CSMD1: variants seen among roughly 807,000 people sequenced by gnomAD.
The protein encoded by CSMD1 is CUB and sushi domain-containing protein 1.
A neutral mutation model predicts 417.5 loss-of-function variants in CSMD1; 213 were observed. The observed-to-expected ratio is 0.51, with a 90% CI of 0.46 to 0.57. The LOEUF (loss-of-function observed/expected upper bound fraction) is 0.57. CSMD1 is among the 20% of genes least tolerant of loss of function. CSMD1 has a pLI of 0.00. For synonymous variants in CSMD1, 2,862 were observed against 1,736.8 expected (o/e 1.65, Z -16.11); for missense variants, 6,923 against 4,529.7 (o/e 1.53, Z -15.17).
intron 1 of CSMD1, among the ~76,000 whole-genome samples, chr8:4,765,898 A>G (rs958897146): frequency 6.6e-6 from 1 of 152,216 alleles, no homozygotes. Flanking sequence ...ACAAACATTT[A>G]TATCATTAAA....
intron 3 of CSMD1, among the ~76,000 whole-genome samples, chr8:4,267,716 C>G (rs950067385): frequency 1.3e-5 from 2 of 152,006 alleles, no homozygotes; most frequent in East Asian, 1.9e-4. Flanking sequence ...ACATCCTCAC[C>G]AAAGTTCTGA....
At chr8:4,001,693 G>C (rs1000498193) in intron 4 of CSMD1, among the ~76,000 whole-genome samples, 1 of 152,172 alleles carries the variant, frequency 6.6e-6, no homozygotes, top group Non-Finnish European at 1.5e-5. Context: ...GTTGATGAAT[G>C]AGTGGATCAT....
intron 5 of CSMD1, among the ~76,000 whole-genome samples, chr8:3,984,107 A>ATTACAG (rs1563283937): frequency 8.1e-6 from 1 of 123,918 alleles, no homozygotes; most frequent in Admixed American, 8.2e-5. Flanking sequence ...GTCAATAGCA[A>ATTACAG]CTCTAGAGCA....
chr8:3,287,434 G>A (rs1803243035), intron 25 of CSMD1, among the ~76,000 whole-genome samples: 1 of 152,144 alleles, frequency 6.6e-6, no homozygotes, highest in African/African-American at 2.4e-5. Flanking sequence ...CTACCTATGA[G>A]CATGGAATGT....
intron 5 of CSMD1, among the ~76,000 whole-genome samples, chr8:3,756,981 T>A (rs1584951359): frequency 6.6e-6 from 1 of 152,152 alleles, no homozygotes; most frequent in Non-Finnish European, 1.5e-5. Context: ...TTTAATTTTT[T>A]GTAGAGACTG....
At chr8:3,853,761 C>G (rs1355783164) in intron 5 of CSMD1, among the ~76,000 whole-genome samples, 3 of 151,530 alleles carry the variant, frequency 2.0e-5, no homozygotes, top group African/African-American at 2.4e-5. Context: ...GGAGATATAC[C>G]TAATGCTAAA....
At chr8:4,244,909 T>G (rs1164744249) in intron 3 of CSMD1, among the ~76,000 whole-genome samples, 1 of 152,170 alleles carries the variant, frequency 6.6e-6, no homozygotes, top group African/African-American at 2.4e-5. Flanking sequence ...GATAACAACA[T>G]TTAAATCTTC....
intron 1 of CSMD1, among the ~76,000 whole-genome samples, chr8:4,767,497 C>T (rs1200204410): frequency 6.6e-6 from 1 of 152,140 alleles, no homozygotes; most frequent in Admixed American, 6.6e-5. Flanking sequence ...GCTGGTCTAC[C>T]TGCCTGAGAC....
intron 6 of CSMD1, among the ~76,000 whole-genome samples, chr8:3,748,801 G>T (rs572338269): frequency 1.3e-5 from 2 of 152,154 alleles, no homozygotes; most frequent in Non-Finnish European, 2.9e-5. Flanking sequence ...TTAATTAAAA[G>T]GGAAAATCAA....
chr8:4,063,301 G>C (rs1585233542), intron 3 of CSMD1, among the ~76,000 whole-genome samples: 1 of 151,716 alleles, frequency 6.6e-6, no homozygotes, highest in East Asian at 1.9e-4. Flanking sequence ...AGAAAAATTA[G>C]TTACAATGTA....
At chr8:3,276,889 G>T (rs759346319) in intron 26 of CSMD1, among the ~76,000 whole-genome samples, 1 of 152,110 alleles carries the variant, frequency 6.6e-6, no homozygotes, top group South Asian at 2.1e-4. Context: ...AAGACCATCT[G>T]CCCTCAAGTA....
intron 7 of CSMD1, among the ~76,000 whole-genome samples, chr8:3,657,876 C>G (rs772693465): frequency 6.6e-6 from 1 of 152,112 alleles, no homozygotes; most frequent in Admixed American, 6.6e-5. Flanking sequence ...AACAAAAATC[C>G]TCTTGAAACT....
At chr8:3,669,397 C>T (rs1438433956) in intron 7 of CSMD1, among the ~76,000 whole-genome samples, 1 of 152,120 alleles carries the variant, frequency 6.6e-6, no homozygotes, top group Non-Finnish European at 1.5e-5. Context: ...CTTGGGCTGG[C>T]CAGTCTAGGG....
At chr8:3,554,900 C>G (rs1024574018) in intron 10 of CSMD1, among the ~76,000 whole-genome samples, 1 of 152,046 alleles carries the variant, frequency 6.6e-6, no homozygotes, top group Non-Finnish European at 1.5e-5. Context: ...CACTGAAACT[C>G]AACAGTAACC....
At chr8:3,514,389 T>C (rs144775300) in intron 10 of CSMD1, among the ~76,000 whole-genome samples, 2 of 152,320 alleles carry the variant, frequency 1.3e-5, no homozygotes, top group East Asian at 1.9e-4. Context: ...CAATACAACA[T>C]GCAATCTCTT....
rs188651771 is a variant in CSMD1 at position 4,729,273 on chromosome 8, G to C, written c.86-91715C>G. Reference sequence around the variant, plus strand: ...GGAAAGAAAATAAGAATAAAAACCCGATCATTATATTCGGAAATGCAGTCA... The same window carrying C: ...GGAAAGAAAATAAGAATAAAAACCCCATCATTATATTCGGAAATGCAGTCA... On this transcript the variant is annotated intron_variant, in intron 1 of 69. Coordinates refer to ENST00000635120, the MANE Select transcript of CSMD1 (RefSeq NM_033225.6). 4.6e-5 allele frequency among the ~76,000 whole-genome samples: 7 copies of C among 152,218 alleles called. No homozygotes were observed. In the South Asian group the frequency reaches 8.3e-4, roughly 18 times the overall value.
At chr8:3,602,281 G>A (rs1266959348) in intron 8 of CSMD1, among the ~76,000 whole-genome samples, 1 of 152,094 alleles carries the variant, frequency 6.6e-6, no homozygotes, top group Non-Finnish European at 1.5e-5. Context: ...GAGTCCCCAG[G>A]AAAACCAGAT....
chr8:4,937,625 T>C (rs1409260800), intron 1 of CSMD1, among the ~76,000 whole-genome samples: 2 of 152,204 alleles, frequency 1.3e-5, no homozygotes, highest in Non-Finnish European at 2.9e-5. Context: ...TCAGAGTATC[T>C]GACGGAGGCA....
intron 26 of CSMD1, among the ~76,000 whole-genome samples, chr8:3,256,228 G>A (rs542193817): frequency 1.5e-3 from 227 of 151,206 alleles, no homozygotes; most frequent in African/African-American, 5.3e-3. Context: ...TCAGGGGGCT[G>A]AGGCAGGAGA....
Sources: gnomAD v4.1 joint callset for allele counts (sites outside exome capture counted in the v4.1 genomes callset) on GRCh38, gnomAD v4.1.1 for gene constraint, MANE v1.5 for transcripts, NCBI Gene and HGNC (gene_info 2026-07-23, HGNC 2026-07-21) for gene names.